Variants in GARNL3 observed in about 807,000 individuals in gnomAD.
GARNL3 encodes GTPase-activating Rap/Ran-GAP domain-like protein 3.
GARNL3 carries 63 observed loss-of-function variants against 125.0 expected under a neutral mutation model. The ratio of observed to expected loss-of-function variants is 0.50; its 90% CI spans 0.41 to 0.62. The LOEUF (loss-of-function observed/expected upper bound fraction) is 0.62. Ranked by LOEUF, GARNL3 falls within the 20% of genes least tolerant of loss-of-function variation. GARNL3 has a pLI of 0.00. For missense variants in GARNL3, 994 were observed against 1,244.0 expected (o/e 0.80, Z 3.02); for synonymous variants, 439 against 457.5 (o/e 0.96, Z 0.52).
chr9:127,377,088 G>A (rs1831957177), intron 22 of GARNL3, among the ~76,000 whole-genome samples: 1 of 152,160 alleles, frequency 6.6e-6, no homozygotes, highest in African/African-American at 2.4e-5. Flanking sequence ...TTAGATGAGT[G>A]ATTTGCCAAA....
chr9:127,376,195 A>G (rs903207329), intron 22 of GARNL3, among the ~76,000 whole-genome samples: 2 of 151,944 alleles, frequency 1.3e-5, no homozygotes, highest in Non-Finnish European at 2.9e-5. Flanking sequence ...CCTGACCTCA[A>G]GTGATCCACC....
chr9:127,360,514 G>A (rs566956067), intron 21 of GARNL3, among the ~76,000 whole-genome samples: 42 of 152,216 alleles, frequency 2.8e-4, no homozygotes, highest in Non-Finnish European at 5.9e-4. Flanking sequence ...GTCTGTCTGG[G>A]GAGATGAGCC....
intron 1 of GARNL3, among the ~76,000 whole-genome samples, chr9:127,226,085 C>A (rs1466834285): frequency 6.6e-6 from 1 of 152,224 alleles, no homozygotes; most frequent in African/African-American, 2.4e-5. Flanking sequence ...CATCTCTGTT[C>A]TGACACCTCT....
chr9:127,372,766 T>A (rs1250022392), intron 22 of GARNL3, among the ~76,000 whole-genome samples: 5 of 152,222 alleles, frequency 3.3e-5, no homozygotes, highest in Non-Finnish European at 7.3e-5. Context: ...CTTCAAACTT[T>A]AAACTCTACC....
chr9:127,335,191 A>T (rs747382044), intron 9 of GARNL3, 39 bp from the exon 10 acceptor site: 8 of 1,404,758 alleles, frequency 5.7e-6, no homozygotes, highest in Non-Finnish European at 8.1e-6. Context: ...TTTGGCTCGA[A>T]TTCTCTGTGC....
intron 26 of GARNL3, among the ~76,000 whole-genome samples, chr9:127,390,227 T>C (rs914241305): frequency 6.6e-6 from 1 of 152,228 alleles, no homozygotes; most frequent in Non-Finnish European, 1.5e-5. Flanking sequence ...CATTGGTTTT[T>C]CAAGTTGGTG....
intron 7 of GARNL3, among the ~76,000 whole-genome samples, chr9:127,327,791 A>C (rs1461033813): frequency 3.3e-5 from 5 of 152,222 alleles, no homozygotes; most frequent in Non-Finnish European, 7.3e-5. Flanking sequence ...GCAAAAAGTA[A>C]AAAAATCACA....
intron 22 of GARNL3, among the ~76,000 whole-genome samples, chr9:127,368,008 CTTTTTTTTTTT>C (rs10573639): frequency 2.4e-5 from 2 of 81,886 alleles, no homozygotes; most frequent in Non-Finnish European, 4.5e-5. Flanking sequence ...CATAGACTTT[CTTTTTTTTTTT>C]TTTTTTTTTT....
intron 1 of GARNL3, among the ~76,000 whole-genome samples, chr9:127,283,958 A>G (rs1421900446): frequency 1.3e-5 from 2 of 152,218 alleles, no homozygotes; most frequent in African/African-American, 2.4e-5. Flanking sequence ...GTGATGTTAC[A>G]CATACATGTT....
At chr9:127,267,628 G>C (rs540202894) in intron 1 of GARNL3, among the ~76,000 whole-genome samples, 1 of 152,136 alleles carries the variant, frequency 6.6e-6, no homozygotes, top group Non-Finnish European at 1.5e-5. Context: ...GCAGAGCTCC[G>C]TTCTTATTAT....
chr9:127,250,204 G>T (rs2063375895), intron 2 of GARNL3, among the ~76,000 whole-genome samples: 1 of 152,126 alleles, frequency 6.6e-6, no homozygotes, highest in Non-Finnish European at 1.5e-5. Context: ...AAAAATAAAG[G>T]TTGCCTGTGG....
intron 1 of GARNL3, among the ~76,000 whole-genome samples, chr9:127,276,512 CT>C (rs2063961263): frequency 6.6e-6 from 1 of 152,090 alleles, no homozygotes. Flanking sequence ...AAATTGGTGA[CT>C]CCCAGATCCA....
intron 1 of GARNL3, chr9:127,225,309 G>A: frequency 3.1e-6 from 3 of 982,974 alleles, no homozygotes; most frequent in Non-Finnish European, 3.6e-6. Context: ...CCCGCCCGGG[G>A]CGATGGAACC....
At chr9:127,321,207 C>T (rs1454583856) in intron 6 of GARNL3, among the ~76,000 whole-genome samples, 7 of 152,102 alleles carry the variant, frequency 4.6e-5, no homozygotes, top group Non-Finnish European at 1.0e-4. Flanking sequence ...GATCTCAGCT[C>T]ACTGCAACCT....
chr9:127,354,425 T>C lies in GARNL3; in HGVS notation c.1759+15T>C. On this transcript the variant is annotated intron_variant, in intron 19 of 27. Transcript: ENST00000373387. ...GAAAACAAAAGGTGACTTGATAGAT[T>C]GGTAGATTCCATTCGATTCGTTTTT... The C allele has an allele frequency of 6.8e-7, 1 of 1,461,570 alleles. No individual in the cohort carries two copies. Among genetic ancestry groups the C allele is most frequent in the Non-Finnish European group, 9.5e-7 (1 of 1,054,872 alleles). 90.5% of individuals were successfully genotyped at this position (1,461,570 alleles called of 1,614,324 possible).
At chr9:127,307,993 T>C (rs995359341) in intron 2 of GARNL3, among the ~76,000 whole-genome samples, 1 of 152,158 alleles carries the variant, frequency 6.6e-6, no homozygotes, top group African/African-American at 2.4e-5. Context: ...ATGCCATCGC[T>C]GCATGCCCTG....
At chr9:127,356,386 C>T (rs1410555200) in intron 20 of GARNL3, 1 of 152,198 alleles carries the variant, frequency 6.6e-6, no homozygotes, top group Non-Finnish European at 1.5e-5. Context: ...AACCTCCAGG[C>T]TCAAGTTCCC....
intron 22 of GARNL3, among the ~76,000 whole-genome samples, chr9:127,368,008 C>CTT (rs10573639): frequency 0.02 from 1,601 of 81,536 alleles, 1 homozygote; most frequent in African/African-American, 0.027. Flanking sequence ...CATAGACTTT[C>CTT]TTTTTTTTTT....
intron 12 of GARNL3, 51 bp from the exon 13 acceptor site, chr9:127,339,594 A>G: frequency 7.3e-7 from 1 of 1,362,468 alleles, no homozygotes; most frequent in South Asian, 1.2e-5. Context: ...GTGGGGACAC[A>G]GCCAAACCAT....
Sources: allele counts gnomAD v4.1 joint callset (sites outside exome capture counted in the v4.1 genomes callset), GRCh38; gene constraint gnomAD v4.1.1; transcripts MANE v1.5; gene names NCBI Gene and HGNC (gene_info 2026-07-23, HGNC 2026-07-21).